Variants in USH2A observed in about 807,000 individuals in gnomAD.
USH2A encodes the protein Usher syndrome 2A (autosomal recessive, mild).
A neutral mutation model predicts 538.9 loss-of-function variants in USH2A; 443 were observed. The observed-to-expected ratio is 0.82, with a 90% CI of 0.76 to 0.89. The LOEUF (loss-of-function observed/expected upper bound fraction) is 0.89, where lower values mean the gene tolerates loss of function less well. USH2A is among the 40% of genes least tolerant of loss of function. The pLI is 0.00. For missense variants in USH2A, 6,633 were observed against 6,324.8 expected (o/e 1.05, Z -1.65); for synonymous variants, 2,413 against 2,273.5 (o/e 1.06, Z -1.75).
intron 60 of USH2A, among the ~76,000 whole-genome samples, chr1:215,739,129 T>C (rs890010412): frequency 6.6e-6 from 1 of 152,174 alleles, no homozygotes; most frequent in African/African-American, 2.4e-5. Flanking sequence ...AAAAACAAAA[T>C]GTATCTATGT....
chr1:215,901,902 C>T (rs991161850), intron 38 of USH2A, among the ~76,000 whole-genome samples: 2 of 151,958 alleles, frequency 1.3e-5, no homozygotes, highest in East Asian at 3.9e-4. Context: ...CTAATGACTC[C>T]GAGCCTATAT....
At chr1:216,219,466 G>A (rs945884549) in intron 14 of USH2A, among the ~76,000 whole-genome samples, 1 of 151,962 alleles carries the variant, frequency 6.6e-6, no homozygotes. Context: ...ACACTTCCAA[G>A]ACTCTTTAGC....
chr1:216,140,547 C>T (rs2033582997), intron 21 of USH2A, among the ~76,000 whole-genome samples: 1 of 152,196 alleles, frequency 6.6e-6, no homozygotes, highest in Non-Finnish European at 1.5e-5. Context: ...TATCCTCTCT[C>T]CCATAGAACT....
chr1:216,287,185 A>G (rs572365102), intron 11 of USH2A, among the ~76,000 whole-genome samples: 3 of 152,304 alleles, frequency 2.0e-5, no homozygotes, highest in South Asian at 4.1e-4. Flanking sequence ...CTAACAAACT[A>G]AAGAAAAAAA....
chr1:216,337,013 TG>T (rs2037987605), intron 4 of USH2A, among the ~76,000 whole-genome samples: 1 of 151,524 alleles, frequency 6.6e-6, no homozygotes. Context: ...GAATAGTCTG[TG>T]GGCATCAAAT....
At chr1:216,228,970 A>G (rs143916006) in intron 14 of USH2A, among the ~76,000 whole-genome samples, 1,875 of 152,136 alleles carry the variant, frequency 0.012, 26 homozygotes, top group Middle Eastern at 0.092. Context: ...TCAGGAGTCT[A>G]AGACCAGCCT....
At chr1:216,252,866 A>G (rs1339355620) in intron 11 of USH2A, among the ~76,000 whole-genome samples, 2 of 152,218 alleles carry the variant, frequency 1.3e-5, no homozygotes, top group Non-Finnish European at 2.9e-5. Flanking sequence ...ACATATAGGC[A>G]TACCATGAAA....
In USH2A at chr1:216,124,491, C is replaced by T. The variant is rs554827572; in HGVS notation, c.4628-27278G>A. ...AAGAGATATAACAAAAAGAAAAAGG[C>T]GGAGGGAAACCCCTCCAGATAGAAA... is the stretch of plus-strand genomic sequence containing the variant. On this transcript the variant is annotated intron_variant, in intron 21 of 71. Coordinates refer to ENST00000307340, the MANE Select transcript of USH2A (RefSeq NM_206933.4). Among the ~76,000 whole-genome samples the T allele has an allele frequency of 1.6e-3, 239 of 152,022 alleles. 4 individuals carry two copies. Among genetic ancestry groups the T allele is most frequent in the Non-Finnish European group, 2.0e-3 (133 of 67,968 alleles).
chr1:216,289,252 T>A, intron 11 of USH2A, 28 bp downstream of exon 11: 2 of 1,613,588 alleles, frequency 1.2e-6, no homozygotes, highest in Non-Finnish European at 1.7e-6. Context: ...AGAGTAATCC[T>A]TTACCTTAAA....
chr1:216,193,136 A>G (rs1182283700), intron 19 of USH2A, among the ~76,000 whole-genome samples: 1 of 152,124 alleles, frequency 6.6e-6, no homozygotes, highest in African/African-American at 2.4e-5. Flanking sequence ...TGTGTTTTAC[A>G]AAGAAAGAAT....
At chr1:216,397,400 T>C (rs1363969275) in intron 3 of USH2A, among the ~76,000 whole-genome samples, 1 of 152,176 alleles carries the variant, frequency 6.6e-6, no homozygotes, top group Non-Finnish European at 1.5e-5. Context: ...GGTAAAGCAC[T>C]GTTTCTTGAT....
intron 44 of USH2A, among the ~76,000 whole-genome samples, chr1:215,858,721 G>A (rs900609252): frequency 6.6e-6 from 1 of 151,726 alleles, no homozygotes; most frequent in African/African-American, 2.4e-5. Context: ...ATTTTTAGTT[G>A]CAACCTCCAA....
intron 12 of USH2A, among the ~76,000 whole-genome samples, chr1:216,249,586 C>T (rs571655357): frequency 1.3e-5 from 2 of 152,164 alleles, no homozygotes; most frequent in South Asian, 4.1e-4. Flanking sequence ...GTTATTCTTT[C>T]TTTCTAAAAA....
At chr1:215,940,850 A>C (rs1666614248) in intron 37 of USH2A, among the ~76,000 whole-genome samples, 1 of 152,122 alleles carries the variant, frequency 6.6e-6, no homozygotes, top group Non-Finnish European at 1.5e-5. Flanking sequence ...TAGTGCAGGG[A>C]ATAAATACAT....
intron 32 of USH2A, among the ~76,000 whole-genome samples, chr1:216,016,077 G>A (rs1465896123): frequency 6.6e-6 from 1 of 151,704 alleles, no homozygotes; most frequent in Admixed American, 6.6e-5. Context: ...ATCATTCTGG[G>A]CAAACTATTG....
chr1:215,774,830 G>C (rs1661412934), intron 55 of USH2A, among the ~76,000 whole-genome samples: 1 of 151,342 alleles, frequency 6.6e-6, no homozygotes, highest in Non-Finnish European at 1.5e-5. Context: ...ATCAATTATA[G>C]TTCTTTGGCC....
chr1:215,754,245 T>C (rs1055071861), intron 58 of USH2A, among the ~76,000 whole-genome samples: 33 of 152,312 alleles, frequency 2.2e-4, no homozygotes, highest in African/African-American at 7.2e-4. Flanking sequence ...CCAAGTAATA[T>C]GAACGTATGT....
intron 44 of USH2A, among the ~76,000 whole-genome samples, chr1:215,850,832 CA>C (rs1663998518): frequency 6.6e-6 from 1 of 152,062 alleles, no homozygotes; most frequent in Non-Finnish European, 1.5e-5. Context: ...AAATTAAAAT[CA>C]TATCAAGTAC....
intron 24 of USH2A, 141 bp downstream of exon 24, chr1:216,086,578 A>G (rs2032140003): frequency 4.5e-6 from 3 of 664,300 alleles, no homozygotes; most frequent in African/African-American, 1.8e-5. Context: ...AAAAAAAGAG[A>G]CCTAAAGGAA....
Sources: gnomAD v4.1 joint callset for allele counts (sites outside exome capture counted in the v4.1 genomes callset) on GRCh38, gnomAD v4.1.1 for gene constraint, MANE v1.5 for transcripts, NCBI Gene and HGNC (gene_info 2026-07-23, HGNC 2026-07-21) for gene names.